The following KIAA1549 variants were observed in gnomAD, a reference collection of about 807,000 sequenced individuals.
The protein encoded by KIAA1549 is UPF0606 protein KIAA1549.
KIAA1549 carries 70 observed loss-of-function variants against 156.4 expected under a neutral mutation model. That is an observed-to-expected ratio of 0.45 (90% CI 0.37 to 0.55). The LOEUF is 0.55. Ranked by LOEUF, KIAA1549 falls within the 20% of genes least tolerant of loss-of-function variation. The probability of loss-of-function intolerance (pLI) is 0.00; values close to 1 mark genes in which losing one functional copy is unlikely to be tolerated. For missense variants in KIAA1549, 2,428 were observed against 2,540.9 expected (o/e 0.96, Z 0.96); for synonymous variants, 1,103 against 1,066.4 (o/e 1.03, Z -0.67).
At chr7:138,840,077 A>G in intron 19 of KIAA1549, 56 bp downstream of exon 19, 3 of 1,472,432 alleles carry the variant, frequency 2.0e-6, no homozygotes, top group Non-Finnish European at 1.8e-6. Context: ...GGTGTGAGCC[A>G]CCGCACCTGG....
chr7:138,958,429 A>T (rs1213274813), intron 1 of KIAA1549, among the ~76,000 whole-genome samples: 1 of 152,246 alleles, frequency 6.6e-6, no homozygotes, highest in Non-Finnish European at 1.5e-5. Flanking sequence ...TATGCCCTAA[A>T]GGAACAGTCT....
At chr7:138,840,755 C>A (rs917540428) in intron 18 of KIAA1549, among the ~76,000 whole-genome samples, 1 of 152,154 alleles carries the variant, frequency 6.6e-6, no homozygotes, top group Admixed American at 6.5e-5. Flanking sequence ...ATCAGAAAGC[C>A]CACGGGCTCC....
At chr7:138,872,764 C>T (rs933505762) in intron 12 of KIAA1549, among the ~76,000 whole-genome samples, 4 of 152,080 alleles carry the variant, frequency 2.6e-5, no homozygotes, top group South Asian at 2.1e-4. Flanking sequence ...ATTAGTTGGG[C>T]GTGGTGGCAC....
At chr7:138,863,304 G>A (rs1167114461) in intron 15 of KIAA1549, among the ~76,000 whole-genome samples, 3 of 151,542 alleles carry the variant, frequency 2.0e-5, no homozygotes, top group Non-Finnish European at 4.4e-5. Context: ...CAGCTAGTTG[G>A]ATCACCATAC....
At chr7:138,912,935 C>T (rs1030354767) in intron 2 of KIAA1549, among the ~76,000 whole-genome samples, 11 of 152,128 alleles carry the variant, frequency 7.2e-5, no homozygotes, top group Admixed American at 1.3e-4. Flanking sequence ...AGTGCAGTGG[C>T]GCAATCTTGG....
In KIAA1549 at chr7:138,918,177, C is replaced by A; in HGVS notation, c.1449G>T (p.Thr483=). The A allele has an allele frequency of 6.2e-7, 1 of 1,613,952 alleles. No homozygotes were observed. Among genetic ancestry groups the A allele is most frequent in the South Asian group, 1.1e-5 (1 of 91,058 alleles). ...EFEEDPQVFN[T]LFPSRPIVPL... ...GGACGATAGGTCTGGAGGGGAAAAGCGTATTAAATACTTGAGGATCTTCCT... is the reference window on the plus strand; with the variant it reads ...GGACGATAGGTCTGGAGGGGAAAAGAGTATTAAATACTTGAGGATCTTCCT... Residue 483 remains threonine (T), a synonymous_variant, in exon 2 of 20, where the codon ACG becomes ACT. Coordinates refer to ENST00000422774, the MANE Select transcript of KIAA1549 (RefSeq NM_001164665.2). The surrounding 1 kb of genome is among the most constrained non-coding windows in gnomAD (Gnocchi z 4.2).
At chr7:138,843,211 T>C (rs902873772) in intron 18 of KIAA1549, among the ~76,000 whole-genome samples, 2 of 152,222 alleles carry the variant, frequency 1.3e-5, no homozygotes, top group South Asian at 2.1e-4. Flanking sequence ...CCAGTACATA[T>C]AGATGAAGAA....
intron 9 of KIAA1549, among the ~76,000 whole-genome samples, chr7:138,896,605 TTC>T (rs1811691338): frequency 6.6e-6 from 1 of 151,826 alleles, no homozygotes; most frequent in African/African-American, 2.4e-5. Context: ...TTTTTTTTTT[TTC>T]TTTTTGAGAT....
rs1814547256 is a variant in KIAA1549, at chr7:138,981,287, G to A, written c.-18C>T. ...CCCGGCATTCCCGGCCGGCGCCCCG[G>A]CCCGGCCTCGCGGCTCAGCGGCTCT... is the stretch of plus-strand genomic sequence containing the variant. On this transcript the variant is annotated 5_prime_UTR_variant, in exon 1 of 20. Coordinates refer to ENST00000422774, the MANE Select transcript of KIAA1549 (RefSeq NM_001164665.2). This position sits in a 1 kb window ranked among gnomAD's most constrained non-coding sequence, Gnocchi z 4.5. 1.0e-6 allele frequency: 1 copy of A among 962,568 alleles called. No homozygotes were observed. Among genetic ancestry groups the A allele is most frequent in the South Asian group, 4.7e-5 (1 of 21,230 alleles). 59.6% of individuals were successfully genotyped at this position (962,568 alleles called of 1,614,324 possible).
chr7:138,980,964 G>C, intron 1 of KIAA1549, 119 bp downstream of exon 1: 1 of 932,986 alleles, frequency 1.1e-6, no homozygotes, highest in Non-Finnish European at 1.3e-6. Context: ...TTCCAGAAAG[G>C]ACGGCGAGGG....
At chr7:138,932,883 T>C (rs976989255) in intron 1 of KIAA1549, among the ~76,000 whole-genome samples, 1 of 152,132 alleles carries the variant, frequency 6.6e-6, no homozygotes, top group Non-Finnish European at 1.5e-5. Flanking sequence ...GAAATTCACA[T>C]GGTGATATCA....
At position 138,962,816 on chromosome 7, in the gene KIAA1549, A is replaced by C. The variant is rs999133626; in HGVS notation, c.187+18267T>G. ...TCTGTTTCAGGGTGATTTGTTATGC[A>C]GCAATAGATAACCAAAATGAGGCTC... On this transcript the variant is annotated intron_variant, in intron 1 of 19. Transcript: ENST00000422774. Among the ~76,000 whole-genome samples the C allele has an allele frequency of 2.6e-5, 4 of 152,332 alleles. No homozygotes were observed. The South Asian group carries it at 8.3e-4, about 32-fold the overall frequency.
intron 1 of KIAA1549, among the ~76,000 whole-genome samples, chr7:138,928,488 T>C (rs912441579): frequency 1.3e-5 from 2 of 152,044 alleles, no homozygotes; most frequent in African/African-American, 4.8e-5. Flanking sequence ...TGTTTCACCA[T>C]GTTGGCTAGG....
At chr7:138,847,616 C>T (rs1355607294) in intron 17 of KIAA1549, among the ~76,000 whole-genome samples, 2 of 152,210 alleles carry the variant, frequency 1.3e-5, no homozygotes, top group Non-Finnish European at 2.9e-5. Flanking sequence ...TTTCTCTAGC[C>T]TCACAGCAAT....
intron 6 of KIAA1549, among the ~76,000 whole-genome samples, chr7:138,906,378 T>A (rs768451193): frequency 3.9e-5 from 6 of 152,144 alleles, no homozygotes; most frequent in Non-Finnish European, 7.4e-5. Flanking sequence ...TGCAGGTTGA[T>A]CACTGTAACA....
At chr7:138,845,656 T>C (rs1810052613) in intron 17 of KIAA1549, among the ~76,000 whole-genome samples, 1 of 152,198 alleles carries the variant, frequency 6.6e-6, no homozygotes, top group Non-Finnish European at 1.5e-5. Context: ...CTTCTCGATA[T>C]TGTTACCTCT....
In KIAA1549 at chr7:138,861,528, T is replaced by C. The variant is rs1043147252; in HGVS notation, c.4930-72A>G. The C allele has an allele frequency of 4.1e-6, 5 of 1,221,694 alleles. No homozygotes were observed. In the African/African-American group the frequency reaches 6.0e-5, roughly 15 times the overall value. 75.7% of individuals were successfully genotyped at this position (1,221,694 alleles called of 1,614,324 possible). A position where few individuals can be genotyped will look rare whatever the true frequency, so the allele number is the denominator to read the frequency against. On this transcript the variant is annotated intron_variant, in intron 15 of 19. Coordinates refer to ENST00000422774, the MANE Select transcript of KIAA1549 (RefSeq NM_001164665.2). ...GCAACCCTAAACAGTTTTCCTGACA[T>C]TGAGGAAAAGTTCTATCATAAGAAT...
Position 138,861,189 on chromosome 7 carries a change from G to T in KIAA1549, c.5197C>A (p.Gln1733Lys), listed in dbSNP as rs572611406. 17 of 1,613,824 alleles carry T rather than the reference G, an allele frequency of 1.1e-5. No individual in the cohort carries two copies. In the East Asian group the frequency reaches 3.8e-4, roughly 36 times the overall value. ...TPSQEERRAT[Q>K]WGSFYSPAQT... ...GCTGGGCTGTAGAAGGACCCCCACT[G>T]GGTGGCTCGCCTCTCTTCCTGGGAA... The change falls in exon 16 of 20, where the codon CAG (glutamine) becomes AAG (lysine). Residue 1733 changes from glutamine (Q) to lysine (K), a missense_variant. This residue lies in a region of KIAA1549 where 363 missense variants were observed against 354.0 expected (regional missense o/e 1.03). Coordinates refer to ENST00000422774, the MANE Select transcript of KIAA1549 (RefSeq NM_001164665.2).
At chr7:138,915,308 C>T (rs1309133307) in intron 2 of KIAA1549, among the ~76,000 whole-genome samples, 1 of 152,136 alleles carries the variant, frequency 6.6e-6, no homozygotes, top group African/African-American at 2.4e-5. Context: ...TCAGTACCAC[C>T]CTCTAGGCCC....
Sources: allele counts gnomAD v4.1 joint callset (sites outside exome capture counted in the v4.1 genomes callset), GRCh38; gene constraint gnomAD v4.1.1; regional missense constraint gnomAD v4.1.1; non-coding constraint Gnocchi (gnomAD v3.1); transcripts MANE v1.5; gene names NCBI Gene and HGNC (gene_info 2026-07-23, HGNC 2026-07-21).